The following CWH43 variants were observed in gnomAD, a reference collection of about 807,000 sequenced individuals.
CWH43 encodes the protein PGAP2-interacting protein.
Under a neutral mutation model 85.7 loss-of-function variants are expected in CWH43, and 91 were observed. The ratio of observed to expected loss-of-function variants is 1.06; its 90% confidence interval spans 0.90 to 1.26. The LOEUF (loss-of-function observed/expected upper bound fraction) is 1.26, where lower values mean the gene tolerates loss of function less well. CWH43 is among the 50% of genes most tolerant of loss of function. The pLI, the probability that CWH43 is intolerant of heterozygous loss-of-function variation, is 0.00. For missense variants in CWH43, 869 were observed against 839.2 expected (o/e 1.04, Z -0.44); for synonymous variants, 323 against 293.6 (o/e 1.10, Z -1.02).
intron 1 of CWH43, chr4:48,986,807 A>C: frequency 8.5e-7 from 1 of 1,174,342 alleles, no homozygotes; most frequent in Non-Finnish European, 1.1e-6. Flanking sequence ...AAAGCCCCCC[A>C]CCCGTGGCCT....
chr4:49,056,582 A>G (rs1471741369), intron 15 of CWH43, among the ~76,000 whole-genome samples: 3 of 152,042 alleles, frequency 2.0e-5, no homozygotes, highest in South Asian at 4.2e-4. Flanking sequence ...TCTAGCTAAC[A>G]CTTTATCCAT....
intron 14 of CWH43, among the ~76,000 whole-genome samples, chr4:49,048,484 G>T (rs1784699713): frequency 6.6e-6 from 1 of 151,896 alleles, no homozygotes; most frequent in African/African-American, 2.4e-5. Context: ...TAGACTTGGT[G>T]GTCTAAACAA....
intron 7 of CWH43, among the ~76,000 whole-genome samples, chr4:49,006,160 C>G (rs568175937): frequency 1.3e-5 from 2 of 151,988 alleles, no homozygotes. Flanking sequence ...TTTTCTTATA[C>G]CAGCTTGCTT....
At chr4:49,049,134 A>C (rs1370504037) in intron 14 of CWH43, among the ~76,000 whole-genome samples, 1 of 152,200 alleles carries the variant, frequency 6.6e-6, no homozygotes, top group East Asian at 1.9e-4. Flanking sequence ...GATTTGCTAA[A>C]GACAGTGACC....
rs1782657366 is a variant in CWH43 at position 48,991,575 on chromosome 4, G to A, written c.356+1G>A. The A allele has an allele frequency of 1.2e-6, 2 of 1,613,740 alleles. No individual in the cohort carries two copies. Among genetic ancestry groups the A allele is most frequent in the Admixed American group, 3.3e-5 (2 of 59,940 alleles). On this transcript the variant is annotated splice_donor_variant, in intron 3 of 15. Transcript: ENST00000226432. LOFTEE classifies it high-confidence loss of function. ...GGTGGTCAGGAAGTCATTTGCAAAGGTATGGTTAATGTTTCATGTACTTAT... is the reference window on the plus strand; with the variant it reads ...GGTGGTCAGGAAGTCATTTGCAAAGATATGGTTAATGTTTCATGTACTTAT...
At position 49,030,952 on chromosome 4, in the gene CWH43, C is replaced by T; in HGVS notation, c.1500C>T (p.His500=). ...ACTTTGGTCCAAGCACAAGGTATCA[C>T]ACTTGGGGGTGAGTATACCTTGGGA... ...YTDFGPSTRY[H]TWGIMALSRY... The change falls in exon 11 of 16, where the codon CAC becomes CAT. Residue 500 remains histidine (H), a synonymous_variant. Coordinates refer to ENST00000226432, the MANE Select transcript of CWH43 (RefSeq NM_025087.3). 6.3e-7 allele frequency: 1 copy of T among 1,591,362 alleles called. No individual in the cohort carries two copies. The highest frequency in any genetic ancestry group is 8.5e-7 in the Non-Finnish European group (1 of 1,172,214).
Position 48,998,458 on chromosome 4 carries a change from A to G in CWH43, c.714-2A>G. The G allele has an allele frequency of 6.2e-7, 1 of 1,610,818 alleles. No homozygotes were observed. Among genetic ancestry groups the G allele is most frequent in the Non-Finnish European group, 8.5e-7 (1 of 1,177,172 alleles). On this transcript the variant is annotated splice_acceptor_variant, in intron 5 of 15. Coordinates refer to ENST00000226432, the MANE Select transcript of CWH43 (RefSeq NM_025087.3). LOFTEE classifies it high-confidence loss of function. ...TGTCTTAGAGCATGTCCTTTTTCAC[A>G]GAGGTGCAGTACTGCTGTGCTTGGC...
At position 49,052,896 on chromosome 4, in the gene CWH43, CCTGT is replaced by C. The variant is rs749533917; in HGVS notation, c.2021+2050_2021+2053del. On this transcript the variant is annotated intron_variant, in intron 15 of 15. Coordinates refer to ENST00000226432, the MANE Select transcript of CWH43 (RefSeq NM_025087.3). ...CAATAGATCTCCAGAAATTTTTCAT[CCTGT>C]CTAATTGAAACTTTGTATCATTTCA... is the stretch of plus-strand genomic sequence containing the variant. Among the ~76,000 whole-genome samples the C allele has an allele frequency of 1.8e-4, 27 of 152,252 alleles. 1 individual carries two copies. Among genetic ancestry groups the C allele is most frequent in the Non-Finnish European group, 2.8e-4 (19 of 68,006 alleles).
intron 9 of CWH43, among the ~76,000 whole-genome samples, chr4:49,022,885 G>A (rs528945927): frequency 2.0e-5 from 3 of 152,144 alleles, no homozygotes; most frequent in South Asian, 2.1e-4. Context: ...TGTGGTATCC[G>A]TTGTAGTATT....
intron 12 of CWH43, among the ~76,000 whole-genome samples, chr4:49,033,002 G>A (rs1560505660): frequency 6.6e-6 from 1 of 152,096 alleles, no homozygotes; most frequent in Non-Finnish European, 1.5e-5. Context: ...TCTTCACTCT[G>A]TGTAGGGTAA....
chr4:49,040,042 A>G (rs1213642823), intron 13 of CWH43, among the ~76,000 whole-genome samples: 3 of 152,146 alleles, frequency 2.0e-5, no homozygotes, highest in Admixed American at 1.3e-4. Context: ...GATGGTTTCC[A>G]GTTTCATCCA....
At position 49,042,760 on chromosome 4, in the gene CWH43, C is replaced by G. The variant is rs1201734449; in HGVS notation, c.1804-2026C>G. The stretch of plus-strand genomic sequence containing the variant: ...TGAAGGAAGAGAAGACAGATTATTT[C>G]AGGAAAGGGAGTAAGGAGATTTCAG... On this transcript the variant is annotated intron_variant, in intron 13 of 15. Transcript: ENST00000226432. 2.0e-5 allele frequency among the ~76,000 whole-genome samples: 3 copies of G among 152,102 alleles called. No individual in the cohort carries two copies. The East Asian group carries it at 5.8e-4, about 29-fold the overall frequency.
In CWH43 at chr4:49,032,690, G is replaced by A. The variant is rs748230628; in HGVS notation, c.1633G>A (p.Val545Ile). 3.1e-6 allele frequency: 5 copies of A among 1,614,062 alleles called. No homozygotes were observed. The highest frequency in any genetic ancestry group is 3.3e-4 in the Middle Eastern group (2 of 6,060). Residue 545 changes from valine (V) to isoleucine (I), a missense_variant, in exon 12 of 16, where the codon GTC (valine) becomes ATC (isoleucine). This residue lies in a region of CWH43 where 577 missense variants were observed against 513.1 expected (regional missense o/e 1.12). Transcript: ENST00000226432. ...CATTTCGGGCAAGCTGGTGGATTTT[G>A]TCGTGACACACTTTGGGAACCACGA... Reference protein sequence around the residue: ...VNISGKLVDFVVTHFGNHEDD... With the variant: ...VNISGKLVDFIVTHFGNHEDD...
rs1019550312 is a variant in CWH43, at chr4:49,030,872, A to G, written c.1420A>G (p.Met474Val). The G allele has an allele frequency of 2.1e-5, 33 of 1,608,772 alleles. No homozygotes were observed. Among genetic ancestry groups the G allele is most frequent in the Non-Finnish European group, 2.7e-5 (32 of 1,178,252 alleles). Residue 474 changes from methionine (M) to valine (V), a missense_variant, in exon 11 of 16, where the codon ATG (methionine) becomes GTG (valine). This residue lies in a region of CWH43 where 577 missense variants were observed against 513.1 expected (regional missense o/e 1.12). Transcript: ENST00000226432. ...ILESDASKPY[M>V]GNNDLTMWLG... is the part of the protein sequence containing the mutation. Reference sequence around the variant, plus strand: ...GGAGAGTGATGCTTCTAAGCCCTATATGGGGAACAATGACTTAACCATGTG... The same window carrying G: ...GGAGAGTGATGCTTCTAAGCCCTATGTGGGGAACAATGACTTAACCATGTG...
At chr4:49,038,614 A>C (rs567145282) in intron 13 of CWH43, among the ~76,000 whole-genome samples, 1 of 152,192 alleles carries the variant, frequency 6.6e-6, no homozygotes, top group Admixed American at 6.6e-5. Flanking sequence ...TAGCCTTGTA[A>C]GTCATATACT....
In CWH43 at chr4:48,994,751, A is replaced by G. The variant is rs757666593; in HGVS notation, c.644A>G (p.Glu215Gly). 1.1e-5 allele frequency: 17 copies of G among 1,613,886 alleles called. No individual in the cohort carries two copies. The highest frequency in any genetic ancestry group is 1.6e-4 in the Middle Eastern group (1 of 6,062). ...TTCCTCACCCACTGGGTTTTTGGAGAAGTCTCTCTTGTTTCCAGATGGGCA... is the reference window on the plus strand; with the variant it reads ...TTCCTCACCCACTGGGTTTTTGGAGGAGTCTCTCTTGTTTCCAGATGGGCA... ...LVFLTHWVFG[E>G]VSLVSRWAVS... is the part of the protein sequence containing the mutation. Residue 215 changes from glutamate (E) to glycine (G), a missense_variant, in exon 5 of 16, where the codon GAA becomes GGA. Coordinates refer to ENST00000226432, the MANE Select transcript of CWH43 (RefSeq NM_025087.3).
chr4:49,042,613 A>G (rs1431796595), intron 13 of CWH43, among the ~76,000 whole-genome samples: 3 of 152,116 alleles, frequency 2.0e-5, no homozygotes, highest in African/African-American at 7.2e-5. Context: ...CATGGAAGTG[A>G]GTGGTATTGC....
intron 15 of CWH43, among the ~76,000 whole-genome samples, chr4:49,060,552 A>T (rs1429863585): frequency 6.6e-6 from 1 of 152,098 alleles, no homozygotes; most frequent in Non-Finnish European, 1.5e-5. Flanking sequence ...TTGGGTGCTT[A>T]CTTCACTCAT....
In CWH43 at chr4:49,003,911, A is replaced by G. The variant is rs775813486; in HGVS notation, c.979A>G (p.Ile327Val). 5 of 1,613,882 alleles carry G rather than the reference A, an allele frequency of 3.1e-6. No individual in the cohort carries two copies. In the Admixed American group the frequency reaches 6.7e-5, roughly 22 times the overall value. ...TGCCATGATATTTTATCTTCTAGAA[A>G]TATTTTTCTGTGCCTGGTGCACAGC... The part of the protein sequence containing the change: ...TIAMIFYLLE[I>V]FFCAWCTAFK... Residue 327 changes from isoleucine to valine, a missense_variant, in exon 7 of 16, where the codon ATA becomes GTA. Ile to Val is a conservative substitution (Grantham distance 29, BLOSUM62 3). Around this residue, in one of 3 missense-constraint regions of CWH43, gnomAD observed 577 missense variants for 513.1 expected, o/e 1.12. Coordinates refer to ENST00000226432, the MANE Select transcript of CWH43 (RefSeq NM_025087.3).
Sources: gnomAD v4.1 joint callset for allele counts (sites outside exome capture counted in the v4.1 genomes callset) on GRCh38, gnomAD v4.1.1 for gene constraint, gnomAD v4.1.1 regional missense constraint, MANE v1.5 for transcripts, NCBI Gene and HGNC (gene_info 2026-07-23, HGNC 2026-07-21) for gene names.